RFX2: variants seen among roughly 807,000 people sequenced by gnomAD.
RFX2 encodes regulatory factor X2.
In RFX2, 20 loss-of-function variants were observed where a neutral mutation model predicts 87.8. The observed-to-expected ratio is 0.23, with a 90% CI of 0.16 to 0.33. The LOEUF (loss-of-function observed/expected upper bound fraction) is 0.33, where lower values mean the gene tolerates loss of function less well. Among genes scored for constraint, RFX2 ranks in the 10% least tolerant of loss-of-function variants. The pLI is 1.00. For synonymous variants in RFX2, 397 were observed against 431.3 expected (o/e 0.92, Z 0.98); for missense variants, 767 against 1,012.3 (o/e 0.76, Z 3.29).
In RFX2 at chr19:6,007,148, G is replaced by A. The variant is rs149347777; in HGVS notation, c.1266C>T (p.Gly422=). Residue 422 remains glycine (G), a synonymous_variant, in exon 12 of 18, where the codon GGC becomes GGT. Transcript: ENST00000303657. This position sits in a 1 kb window ranked among gnomAD's most constrained non-coding sequence, Gnocchi z 8.2. ...TAAGCTTGTCCTTGGGCAGGACGGC[G>A]CCCTCGGGGTCTTCGTCACTGTGGA... ...SLPASDEDPE[G]AVLPKDKLIS... The A allele has an allele frequency of 6.7e-5, 108 of 1,613,780 alleles. No homozygotes were observed. Among genetic ancestry groups the A allele is most frequent in the Non-Finnish European group, 8.5e-5 (100 of 1,179,998 alleles).
chr19:6,016,076 G>GA lies in RFX2; in HGVS notation c.779+13dup. The GA allele has an allele frequency of 1.9e-6, 3 of 1,577,450 alleles. No homozygotes were observed. The highest frequency in any genetic ancestry group is 2.6e-6 in the Non-Finnish European group (3 of 1,158,802). On this transcript the variant is annotated intron_variant, in intron 7 of 17. Transcript: ENST00000303657. This position sits in a 1 kb window ranked among gnomAD's most constrained non-coding sequence, Gnocchi z 5.4. The stretch of plus-strand genomic sequence containing the variant: ...GAAGAGGAAGAACAGGTGGGCTGGG[G>GA]ATCGTCTACCCACCTGGTGCCCAGC...
chr19:6,008,871 G>A (rs909367940), intron 9 of RFX2, among the ~76,000 whole-genome samples: 7 of 150,488 alleles, frequency 4.7e-5, no homozygotes, highest in Non-Finnish European at 7.4e-5. Flanking sequence ...GTAGAGATGG[G>A]GTTTCGCCAT....
rs1273652489 is a variant in RFX2 at position 6,074,320 on chromosome 19, T to A, written c.-8-26816A>T. On this transcript the variant is annotated intron_variant, in intron 1 of 17. Coordinates refer to ENST00000303657, the MANE Select transcript of RFX2 (RefSeq NM_000635.4). This position sits in a 1 kb window ranked among gnomAD's most constrained non-coding sequence, Gnocchi z 5.2. The stretch of plus-strand genomic sequence containing the variant: ...CTCCTCTCATCCCAAGCTAGCCCCT[T>A]CCTAACCTCAAGTCAACGAGAAGAG... Among the ~76,000 whole-genome samples the A allele has an allele frequency of 3.9e-5, 6 of 152,092 alleles. No homozygotes were observed. In the East Asian group the frequency reaches 1.2e-3, roughly 29 times the overall value.
chr19:6,019,644 G>C (rs936030122), intron 6 of RFX2, among the ~76,000 whole-genome samples: 4 of 150,106 alleles, frequency 2.7e-5, no homozygotes, highest in African/African-American at 9.9e-5. Context: ...CCCCAGGCTG[G>C]AGCGCAGTGG....
chr19:6,042,282 G>A (rs1162796051), intron 3 of RFX2, among the ~76,000 whole-genome samples, 159 bp from the exon 4 acceptor site: 1 of 152,230 alleles, frequency 6.6e-6, no homozygotes, highest in Non-Finnish European at 1.5e-5. Context: ...ACACTGAGGA[G>A]ACAGTAATGT....
intron 15 of RFX2, among the ~76,000 whole-genome samples, chr19:6,000,617 G>A (rs1316840603): frequency 1.3e-5 from 2 of 152,228 alleles, no homozygotes; most frequent in African/African-American, 4.8e-5. Flanking sequence ...TTATAAAGGC[G>A]AGTTCCCCTG....
chr19:6,025,003 G>T (rs1469020067), intron 6 of RFX2, among the ~76,000 whole-genome samples: 1 of 152,154 alleles, frequency 6.6e-6, no homozygotes, highest in Non-Finnish European at 1.5e-5. Context: ...CACTGAAGGG[G>T]ACTTCTTCTC....
chr19:6,073,289 C>T, intron 1 of RFX2: 1 of 1,007,268 alleles, frequency 9.9e-7, no homozygotes, highest in East Asian at 2.5e-5. Context: ...AGGGCCAGAT[C>T]TTGATGCCCA....
At chr19:6,052,263 A>G (rs2087275764) in intron 1 of RFX2, among the ~76,000 whole-genome samples, 1 of 152,216 alleles carries the variant, frequency 6.6e-6, no homozygotes, top group Admixed American at 6.5e-5. Flanking sequence ...GCAATACTAG[A>G]GACATTGACA....
At chr19:6,034,195 T>G (rs2086990449) in intron 5 of RFX2, among the ~76,000 whole-genome samples, 1 of 150,616 alleles carries the variant, frequency 6.6e-6, no homozygotes, top group Non-Finnish European at 1.5e-5. Flanking sequence ...CTCAGCCTCC[T>G]TAGTAGCTGG....
In RFX2 at chr19:6,022,911, C is replaced by T. The variant is rs1171081748; in HGVS notation, c.597+3252G>A. ...ACCAGGCTCCCAGCACCTGAATACACCTTCCCTCCTGAGACAGCGCAGAGG... is the reference window on the plus strand; with the variant it reads ...ACCAGGCTCCCAGCACCTGAATACATCTTCCCTCCTGAGACAGCGCAGAGG... On this transcript the variant is annotated intron_variant, in intron 6 of 17. Coordinates refer to ENST00000303657, the MANE Select transcript of RFX2 (RefSeq NM_000635.4). The surrounding 1 kb of genome is among the most constrained non-coding windows in gnomAD (Gnocchi z 6.2). Among the ~76,000 whole-genome samples, 2 of 152,232 alleles carry T rather than the reference C, an allele frequency of 1.3e-5. No homozygotes were observed. The highest frequency in any genetic ancestry group is 4.8e-5 in the African/African-American group (2 of 41,464).
In RFX2 at chr19:6,007,891, C is replaced by A. The variant is rs1232347599; in HGVS notation, c.1135-89G>T. On this transcript the variant is annotated intron_variant, in intron 10 of 17. Coordinates refer to ENST00000303657, the MANE Select transcript of RFX2 (RefSeq NM_000635.4). This position sits in a 1 kb window ranked among gnomAD's most constrained non-coding sequence, Gnocchi z 8.2. ...GTCAAGTGAGCAGCCGTGATCCGGGCTACAGCGGGGTGCCCTGGAATCCCA... is the reference window on the plus strand; with the variant it reads ...GTCAAGTGAGCAGCCGTGATCCGGGATACAGCGGGGTGCCCTGGAATCCCA... The A allele has an allele frequency of 2.0e-6, 2 of 1,010,782 alleles. No homozygotes were observed. The highest frequency in any genetic ancestry group is 4.1e-5 in the Admixed American group (2 of 49,232). The allele number at this position is 1,010,782 out of a possible 1,614,324, so 62.6% of individuals were successfully genotyped here.
At chr19:6,102,952 C>T (rs1004307948) in intron 1 of RFX2, among the ~76,000 whole-genome samples, 6 of 152,080 alleles carry the variant, frequency 3.9e-5, no homozygotes, top group African/African-American at 7.2e-5. Context: ...GACAAGAGAG[C>T]GAGACTTCAT....
At chr19:6,049,911 T>A (rs1291597962) in intron 1 of RFX2, among the ~76,000 whole-genome samples, 1 of 152,236 alleles carries the variant, frequency 6.6e-6, no homozygotes, top group African/African-American at 2.4e-5. Context: ...CCTGTGGGCA[T>A]GCCCCAGTCC....
Position 6,016,390 on chromosome 19 carries a change from C to T in RFX2, c.598-119G>A. On this transcript the variant is annotated intron_variant, in intron 6 of 17. Coordinates refer to ENST00000303657, the MANE Select transcript of RFX2 (RefSeq NM_000635.4). This position sits in a 1 kb window ranked among gnomAD's most constrained non-coding sequence, Gnocchi z 5.4. ...GTGTTACCAAATGGGATGAGGAAAT[C>T]CATCTTTTCTTTCTTTTTGAGGCGG... 2 of 648,402 alleles carry T rather than the reference C, an allele frequency of 3.1e-6. No homozygotes were observed. Among genetic ancestry groups the T allele is most frequent in the Non-Finnish European group, 2.5e-6 (1 of 404,764 alleles). 40.2% of individuals were successfully genotyped at this position (648,402 alleles called of 1,614,324 possible). A position where few individuals can be genotyped will look rare whatever the true frequency, so the allele number is the denominator to read the frequency against.
chr19:6,075,272 TGGAGGAGGA>T (rs763598849), intron 1 of RFX2, among the ~76,000 whole-genome samples: 4 of 149,178 alleles, frequency 2.7e-5, no homozygotes, highest in South Asian at 4.3e-4. Flanking sequence ...GAGGAGAAGG[TGGAGGAGGA>T]GGAGGAGGAG....
At chr19:6,028,204 TA>T (rs1159443945) in intron 5 of RFX2, among the ~76,000 whole-genome samples, 10 of 144,676 alleles carry the variant, frequency 6.9e-5, no homozygotes, top group Admixed American at 1.4e-4. Flanking sequence ...CTTTCCAAAT[TA>T]AAAAAAAAAA....
chr19:6,009,024 G>A (rs565870918), intron 9 of RFX2, among the ~76,000 whole-genome samples: 3 of 152,264 alleles, frequency 2.0e-5, no homozygotes, highest in Non-Finnish European at 4.4e-5. Flanking sequence ...GTAGAAAATG[G>A]AGAGGATATT....
chr19:6,022,951 G>T lies in RFX2; in HGVS notation c.597+3212C>A, dbSNP rs1256870222. On this transcript the variant is annotated intron_variant, in intron 6 of 17. Transcript: ENST00000303657. The surrounding 1 kb of genome is among the most constrained non-coding windows in gnomAD (Gnocchi z 6.2). ...CAGCGCAGAGGAGGGAACCAGCTCC[G>T]CGGAACACGTGGCCAGCTCCGCTCA... The T allele has an allele frequency of 6.6e-6, 1 of 152,358 alleles. No homozygotes were observed. Among genetic ancestry groups the T allele is most frequent in the African/African-American group, 2.4e-5 (1 of 41,462 alleles). The allele number at this position is 152,358 out of a possible 1,614,324, so 9.4% of individuals were successfully genotyped here. A position where few individuals can be genotyped will look rare whatever the true frequency, so the allele number is the denominator to read the frequency against.
Sources: allele counts gnomAD v4.1 joint callset (sites outside exome capture counted in the v4.1 genomes callset), GRCh38; gene constraint gnomAD v4.1.1; non-coding constraint Gnocchi (gnomAD v3.1); transcripts MANE v1.5; gene names NCBI Gene and HGNC (gene_info 2026-07-23, HGNC 2026-07-21).